Variants in POLR2F observed in about 807,000 individuals in gnomAD.
POLR2F encodes the protein DNA-directed RNA polymerases I, II, and III subunit RPABC2.
Under a neutral mutation model 22.7 loss-of-function variants are expected in POLR2F, and 12 were observed. The observed-to-expected ratio is 0.53, with a 90% CI of 0.34 to 0.86. The LOEUF is 0.86. Ranked by LOEUF, POLR2F falls within the 40% of genes least tolerant of loss-of-function variation. The pLI is 0.02. For missense variants in POLR2F, 126 were observed against 171.5 expected (o/e 0.73, Z 1.48); for synonymous variants, 57 against 66.0 (o/e 0.86, Z 0.66).
At chr22:38,014,210 G>T (rs1190931768) in intron 1 of POLR2F, among the ~76,000 whole-genome samples, 2 of 151,534 alleles carry the variant, frequency 1.3e-5, no homozygotes, top group Non-Finnish European at 2.9e-5. Flanking sequence ...ATGTATAATA[G>T]ATGTTTTGTA....
intron 4 of POLR2F, among the ~76,000 whole-genome samples, chr22:37,976,994 C>T (rs751813407): frequency 2.0e-5 from 3 of 151,612 alleles, no homozygotes; most frequent in Admixed American, 6.6e-5. Flanking sequence ...ATAGTGAAAC[C>T]CTGTCTCTGC....
In POLR2F at chr22:37,959,446, G is replaced by A. The variant is rs559464747; in HGVS notation, c.191G>A (p.Arg64His). 35 of 1,613,976 alleles carry A rather than the reference G, an allele frequency of 2.2e-5. No homozygotes were observed. The highest frequency in any genetic ancestry group is 6.7e-5 in the East Asian group (3 of 44,872). The change falls in exon 3 of 5, where the codon CGC becomes CAC. Residue 64 changes from arginine (R) to histidine (H), a missense_variant. Coordinates refer to ENST00000442738, the MANE Select transcript of POLR2F (RefSeq NM_021974.5). ...TACATGACCAAGTACGAGCGAGCCC[G>A]CGTGCTGGGCACCCGAGCGCTCCAG... ...TPYMTKYERA[R>H]VLGTRALQIA... is the part of the protein sequence containing the mutation.
At chr22:38,027,348 T>C (rs926384602), downstream of POLR2F, among the ~76,000 whole-genome samples, 1 of 151,904 alleles carries the variant, frequency 6.6e-6, no homozygotes, top group Non-Finnish European at 1.5e-5. Flanking sequence ...TGGACAAAGG[T>C]GTAGAGGCGT....
intron 1 of POLR2F, among the ~76,000 whole-genome samples, 164 bp from the exon 2 acceptor site, chr22:37,956,609 G>GT (rs1931410327): frequency 6.6e-6 from 1 of 151,964 alleles, no homozygotes; most frequent in Non-Finnish European, 1.5e-5. Context: ...TAGAGATGGG[G>GT]TTTTGCCTTG....
At chr22:38,023,786 C>T (rs2084981649) in intron 1 of POLR2F, among the ~76,000 whole-genome samples, 1 of 152,010 alleles carries the variant, frequency 6.6e-6, no homozygotes, top group African/African-American at 2.4e-5. Context: ...GATTCCCCTG[C>T]CTCAGCCTCC....
downstream of POLR2F, among the ~76,000 whole-genome samples, chr22:38,028,544 G>C (rs1474890756): frequency 2.0e-5 from 3 of 151,952 alleles, no homozygotes; most frequent in African/African-American, 7.3e-5. Context: ...GCGCATACGT[G>C]TGTGCATGTA....
At chr22:38,002,688 A>G (rs2084783533) in intron 1 of POLR2F, among the ~76,000 whole-genome samples, 1 of 151,704 alleles carries the variant, frequency 6.6e-6, no homozygotes, top group Non-Finnish European at 1.5e-5. Context: ...CAGAGAGAGA[A>G]GGGATTGAAT....
chr22:37,967,694 C>A lies in POLR2F; in HGVS notation c.363C>A (p.Asp121Glu), dbSNP rs748971644. 1.9e-6 allele frequency: 3 copies of A among 1,613,568 alleles called. No individual in the cohort carries two copies. In the African/African-American group the frequency reaches 4.0e-5, roughly 22 times the overall value. Residue 121 changes from aspartate (D) to glutamate (E), a missense_variant, in exon 5 of 5, where the codon GAC becomes GAA. Asp to Glu is a conservative substitution (Grantham distance 45). Transcript: ENST00000442738. ...PDGSYEDWGV[D>E]ELIITD is the part of the protein sequence containing the mutation. ...GGAGCTATGAAGACTGGGGGGTGGA[C>A]GAGCTCATCATCACCGACTGAGCTG... is the stretch of plus-strand genomic sequence containing the variant.
At chr22:38,020,605 G>A (rs182649140) in intron 1 of POLR2F, among the ~76,000 whole-genome samples, 6 of 152,054 alleles carry the variant, frequency 3.9e-5, no homozygotes, top group African/African-American at 1.4e-4. Context: ...AGCTAAGTGT[G>A]GTGATGCACA....
intron 1 of POLR2F, among the ~76,000 whole-genome samples, chr22:38,018,603 C>T (rs2084934277): frequency 6.6e-6 from 1 of 151,896 alleles, no homozygotes; most frequent in Non-Finnish European, 1.5e-5. Flanking sequence ...GTCAGGACTC[C>T]GTCTGAGGCT....
At chr22:38,018,081 C>T (rs2084929653) in intron 1 of POLR2F, among the ~76,000 whole-genome samples, 1 of 152,184 alleles carries the variant, frequency 6.6e-6, no homozygotes, top group South Asian at 2.1e-4. Context: ...TGACGGAGGG[C>T]AGAGTTTGCT....
At position 37,980,350 on chromosome 22, in the gene POLR2F, C is replaced by T. The variant is rs950317880; in HGVS notation, c.293+13180C>T. On this transcript the variant is annotated intron_variant, in intron 4 of 4. Coordinates refer to the POLR2F transcript ENST00000405557. This position sits in a 1 kb window ranked among gnomAD's most constrained non-coding sequence, Gnocchi z 4.1. ...ATGGGACACAGAGCTCACTCTTTCA[C>T]CTATCCTTCCCTTGCCCCCTGCCCA... Among the ~76,000 whole-genome samples, 1 of 152,156 alleles carries T rather than the reference C, an allele frequency of 6.6e-6. No individual in the cohort carries two copies.
chr22:37,991,726 G>T (rs184385693), intron 1 of POLR2F, among the ~76,000 whole-genome samples: 1 of 152,112 alleles, frequency 6.6e-6, no homozygotes, highest in Non-Finnish European at 1.5e-5. Flanking sequence ...TTCCAACTCC[G>T]TTCAGACCTG....
upstream of POLR2F, chr22:37,986,039 C>T: frequency 7.7e-7 from 1 of 1,294,026 alleles, no homozygotes; most frequent in Non-Finnish European, 9.9e-7. The surrounding 1 kb of genome is among the most constrained non-coding windows in gnomAD (Gnocchi z 4.7). Flanking sequence ...CCCTTCTCTT[C>T]CCTGTGCCCA....
downstream of POLR2F, among the ~76,000 whole-genome samples, chr22:37,971,794 G>A (rs2145757482): frequency 6.6e-6 from 1 of 152,174 alleles, no homozygotes. Flanking sequence ...CCTGTCTCTT[G>A]AATTCTTTGC....
chr22:38,041,379 A>T (rs1601924167), downstream of POLR2F: 2 of 421,476 alleles, frequency 4.7e-6, no homozygotes, highest in African/African-American at 2.0e-5. Flanking sequence ...GACTGTTGGG[A>T]TGTCTGGAGT....
At chr22:38,018,378 A>G (rs1292097717) in intron 1 of POLR2F, among the ~76,000 whole-genome samples, 1 of 152,186 alleles carries the variant, frequency 6.6e-6, no homozygotes, top group Non-Finnish European at 1.5e-5. Context: ...GGGTCTGCAG[A>G]GTAAATATTC....
rs1422178648 is a variant in POLR2F at position 38,016,731 on chromosome 22, C to T, written c.121-9138C>T. 1.1e-4 allele frequency among the ~76,000 whole-genome samples: 6 copies of T among 56,356 alleles called. No individual in the cohort carries two copies. Among genetic ancestry groups the T allele is most frequent in the African/African-American group, 3.4e-4 (5 of 14,788 alleles). The allele number at this position is 56,356 out of a possible 152,430, so 37.0% of individuals were successfully genotyped here. On this transcript the variant is annotated intron_variant, in intron 1 of 2. Coordinates refer to the POLR2F transcript ENST00000333418. The surrounding 1 kb of genome is among the most constrained non-coding windows in gnomAD (Gnocchi z 4.4). The stretch of plus-strand genomic sequence containing the variant: ...GTGGAAAGAGTGCTGGCACGCACCG[C>T]GGGGGGAGGGGGCGGGAGGGGGCCG...
intron 5 of POLR2F, among the ~76,000 whole-genome samples, chr22:38,033,667 G>A (rs1053503354): frequency 1.3e-5 from 2 of 152,346 alleles, no homozygotes; most frequent in African/African-American, 2.4e-5. Flanking sequence ...ACTGGGTGGC[G>A]GATTTGTGTT....
Sources: gnomAD v4.1 joint callset for allele counts (sites outside exome capture counted in the v4.1 genomes callset) on GRCh38, gnomAD v4.1.1 for gene constraint, Gnocchi (gnomAD v3.1) non-coding constraint, MANE v1.5 for transcripts, NCBI Gene and HGNC (gene_info 2026-07-23, HGNC 2026-07-21) for gene names.